Variants in EPB41L5 observed in about 807,000 individuals in gnomAD.
EPB41L5 encodes the protein band 4.1-like protein 5.
Under a neutral mutation model 106.6 loss-of-function variants are expected in EPB41L5, and 55 were observed. The observed-to-expected ratio is 0.52, with a 90% CI of 0.42 to 0.65. The LOEUF (loss-of-function observed/expected upper bound fraction) is 0.65, where lower values mean the gene tolerates loss of function less well. Ranked by LOEUF, EPB41L5 falls within the 30% of genes least tolerant of loss-of-function variation. The pLI, the probability that EPB41L5 is intolerant of heterozygous loss-of-function variation, is 0.00. For missense variants in EPB41L5, 871 were observed against 882.1 expected (o/e 0.99, Z 0.16); for synonymous variants, 297 against 306.7 (o/e 0.97, Z 0.33).
intron 16 of EPB41L5, among the ~76,000 whole-genome samples, chr2:120,102,846 A>G (rs1238892217): frequency 2.0e-5 from 3 of 152,354 alleles, no homozygotes; most frequent in East Asian, 1.9e-4. Flanking sequence ...TTGTAAACCC[A>G]TAAATCATTT....
At chr2:120,101,064 G>A (rs963813966) in intron 16 of EPB41L5, among the ~76,000 whole-genome samples, 4 of 152,146 alleles carry the variant, frequency 2.6e-5, no homozygotes, top group South Asian at 2.1e-4. Context: ...GAAACAAAAC[G>A]TTAATACATT....
intron 2 of EPB41L5, among the ~76,000 whole-genome samples, chr2:120,021,992 G>T (rs891983865): frequency 6.6e-5 from 10 of 152,094 alleles, no homozygotes; most frequent in African/African-American, 2.4e-4. Context: ...ATTAAATAGG[G>T]TGAGAAGGCC....
rs17049998 is a variant in EPB41L5, at chr2:120,106,601, G to A, written c.1337+5787G>A. On this transcript the variant is annotated intron_variant, in intron 16 of 24. Coordinates refer to ENST00000263713, the MANE Select transcript of EPB41L5 (RefSeq NM_020909.4). ...AGGGTGTCATCAGTACAGAACTTAA[G>A]TATTATGTCATTTAATTTACAGTGC... The A allele has an allele frequency of 3.7e-4, 368 of 985,112 alleles. 3 individuals carry two copies. The African/African-American group carries it at 6.2e-3, about 16-fold the overall frequency. 61.0% of individuals were successfully genotyped at this position (985,112 alleles called of 1,614,324 possible).
chr2:120,035,555 A>G (rs1678992007), intron 2 of EPB41L5, among the ~76,000 whole-genome samples: 1 of 152,324 alleles, frequency 6.6e-6, no homozygotes, highest in Middle Eastern at 3.4e-3. Context: ...CTGTAGTTCC[A>G]GCTACTCAGG....
intron 2 of EPB41L5, among the ~76,000 whole-genome samples, chr2:120,026,436 T>C (rs1342268131): frequency 6.6e-6 from 1 of 152,206 alleles, no homozygotes; most frequent in Non-Finnish European, 1.5e-5. Flanking sequence ...TGACGTGATC[T>C]CAGCTTACTG....
At chr2:120,119,819 CTATT>C (rs1236956094) in intron 16 of EPB41L5, among the ~76,000 whole-genome samples, 1 of 152,080 alleles carries the variant, frequency 6.6e-6, no homozygotes, top group Non-Finnish European at 1.5e-5. Context: ...AAATACGTGT[CTATT>C]TGAGACAATT....
At chr2:120,142,410 G>A (rs1443311309) in intron 18 of EPB41L5, among the ~76,000 whole-genome samples, 1 of 151,880 alleles carries the variant, frequency 6.6e-6, no homozygotes. Context: ...CTTGTTCTTT[G>A]ATGAGCAGTA....
intron 16 of EPB41L5, among the ~76,000 whole-genome samples, chr2:120,117,443 G>T (rs1173200573): frequency 6.6e-6 from 1 of 152,070 alleles, no homozygotes; most frequent in Non-Finnish European, 1.5e-5. Flanking sequence ...TGTGATTATG[G>T]TATTTATTTG....
chr2:120,056,732 A>G (rs946457390), intron 3 of EPB41L5, among the ~76,000 whole-genome samples: 1 of 150,092 alleles, frequency 6.7e-6, no homozygotes, highest in African/African-American at 2.5e-5. Flanking sequence ...TGGGAAAACC[A>G]TCCCCCCTCT....
At chr2:120,041,674 C>T (rs887706844) in intron 2 of EPB41L5, among the ~76,000 whole-genome samples, 1 of 151,972 alleles carries the variant, frequency 6.6e-6, no homozygotes, top group Non-Finnish European at 1.5e-5. Flanking sequence ...ACATTATGGC[C>T]CTTTTAAAGT....
intron 20 of EPB41L5, among the ~76,000 whole-genome samples, chr2:120,149,454 T>G (rs1403363038): frequency 6.6e-6 from 1 of 152,226 alleles, no homozygotes; most frequent in Non-Finnish European, 1.5e-5. Context: ...TTTACCTATC[T>G]GGACATTTCA....
At chr2:120,132,059 C>T (rs1685718425) in intron 18 of EPB41L5, among the ~76,000 whole-genome samples, 1 of 152,118 alleles carries the variant, frequency 6.6e-6, no homozygotes, top group Non-Finnish European at 1.5e-5. Context: ...GAGAGCTGCT[C>T]TGTGGTATAA....
At chr2:120,091,219 A>G (rs1347829149) in intron 12 of EPB41L5, among the ~76,000 whole-genome samples, 24 of 152,212 alleles carry the variant, frequency 1.6e-4, no homozygotes, top group Non-Finnish European at 8.8e-5. Flanking sequence ...AAGTAACTGA[A>G]AATATTCTTT....
At chr2:120,153,182 A>AT (rs1248385013) in intron 20 of EPB41L5, among the ~76,000 whole-genome samples, 1 of 152,018 alleles carries the variant, frequency 6.6e-6, no homozygotes, top group Non-Finnish European at 1.5e-5. Context: ...CATTTCAAAT[A>AT]TTTTGGTATT....
chr2:120,165,454 A>G (rs978406275), intron 22 of EPB41L5, among the ~76,000 whole-genome samples: 1 of 152,214 alleles, frequency 6.6e-6, no homozygotes, highest in African/African-American at 2.4e-5. Flanking sequence ...TACCTCTAAT[A>G]TCTAATGCAG....
intron 16 of EPB41L5, chr2:120,104,521 A>G (rs887754658): frequency 1.6e-5 from 17 of 1,058,958 alleles, no homozygotes; most frequent in Non-Finnish European, 1.9e-5. Flanking sequence ...TTCACACATC[A>G]CCAGACTGTA....
At chr2:120,065,867 A>G (rs772980968) in intron 3 of EPB41L5, among the ~76,000 whole-genome samples, 15 of 152,178 alleles carry the variant, frequency 9.9e-5, no homozygotes, top group Non-Finnish European at 1.8e-4. Flanking sequence ...TTTTCTTTTT[A>G]TATCCCTGAA....
intron 11 of EPB41L5, among the ~76,000 whole-genome samples, chr2:120,087,923 G>T (rs1014292547): frequency 2.6e-5 from 4 of 152,146 alleles, no homozygotes; most frequent in African/African-American, 9.7e-5. Context: ...CACATGCATT[G>T]TTCTTAATGC....
At chr2:120,111,689 C>T (rs7607954) in intron 16 of EPB41L5, among the ~76,000 whole-genome samples, 96,578 of 151,780 alleles carry the variant, frequency 0.64, 32,077 homozygotes, top group Middle Eastern at 0.74. Context: ...TCAGCCCTGC[C>T]CTCTTACCTG....
Sources: allele counts gnomAD v4.1 joint callset (sites outside exome capture counted in the v4.1 genomes callset), GRCh38; gene constraint gnomAD v4.1.1; transcripts MANE v1.5; gene names NCBI Gene and HGNC (gene_info 2026-07-23, HGNC 2026-07-21).